UNKL: variants seen among roughly 807,000 people sequenced by gnomAD.
UNKL encodes the protein putative E3 ubiquitin-protein ligase UNKL.
A neutral mutation model predicts 78.0 loss-of-function variants in UNKL; 60 were observed. That is an observed-to-expected ratio of 0.77 (90% CI 0.63 to 0.95). UNKL has a LOEUF of 0.95. UNKL is among the 40% of genes least tolerant of loss of function. The probability of loss-of-function intolerance (pLI) is 0.00; values close to 1 mark genes in which losing one functional copy is unlikely to be tolerated. For synonymous variants in UNKL, 608 were observed against 474.8 expected, an observed-to-expected ratio of 1.28 and a Z score of -3.65; for missense variants, 1,159 against 1,045.7, an observed-to-expected ratio of 1.11 and a Z score of -1.49.
At chr16:1,404,746 C>A (rs1306197999) in intron 2 of UNKL, among the ~76,000 whole-genome samples, 1 of 152,176 alleles carries the variant, frequency 6.6e-6, no homozygotes, top group Non-Finnish European at 1.5e-5. Flanking sequence ...AAGGAAAGCG[C>A]GGGCTTCCAT....
rs1035581569 is a variant in UNKL, at chr16:1,367,211, G to A, written c.1927C>T (p.Leu643=). The change falls in exon 14 of 15, where the codon CTG becomes TTG. Residue 643 remains leucine (L), a synonymous_variant. Coordinates refer to ENST00000389221, the MANE Select transcript of UNKL (RefSeq NM_001372107.1). ...CCCGGCAGTGTGGAGGCTACGCCCA[G>A]GCCCTCCAGCTCCTCCTGCAGCTGC... is the stretch of plus-strand genomic sequence containing the variant. The part of the protein sequence containing the change: ...VKQLQEELEG[L]GVASTLPGLR... 1.2e-6 allele frequency: 2 copies of A among 1,604,640 alleles called. No homozygotes were observed. The highest frequency in any genetic ancestry group is 1.3e-5 in the African/African-American group (1 of 74,794).
Position 1,367,674 on chromosome 16 carries a change from G to T in UNKL, c.1770C>A (p.Ser590=). 6.4e-7 allele frequency: 1 copy of T among 1,573,378 alleles called. No homozygotes were observed. Among genetic ancestry groups the T allele is most frequent in the Non-Finnish European group, 8.6e-7 (1 of 1,161,026 alleles). Residue 590 remains serine (S), a synonymous_variant, in exon 13 of 15, where the codon TCC becomes TCA. Transcript: ENST00000389221. The part of the protein sequence containing the change: ...AKRKIRQWEE[S]WQQVKQVCDA... ...CACTCACCTGCTTCACCTGCTGCCA[G>T]GACTCCTCCCACTGCCGGATCTTCC...
Position 1,370,627 on chromosome 16 carries a change from C to G in UNKL, c.1358-270G>C, listed in dbSNP as rs188768471. 8.0e-4 allele frequency among the ~76,000 whole-genome samples: 122 copies of G among 152,324 alleles called. No individual in the cohort carries two copies. In the South Asian group the frequency reaches 0.014, roughly 18 times the overall value. ...GACGGGGGTTTAACATGGGCCCCCC[C>G]CAAAGAGGCCGGACACCCACCAGGC... On this transcript the variant is annotated intron_variant, in intron 11 of 14. Coordinates refer to ENST00000389221, the MANE Select transcript of UNKL (RefSeq NM_001372107.1).
At chr16:1,401,856 C>G (rs1478275387) in intron 3 of UNKL, among the ~76,000 whole-genome samples, 155 bp from the exon 4 acceptor site, 1 of 152,206 alleles carries the variant, frequency 6.6e-6, no homozygotes, top group African/African-American at 2.4e-5. Flanking sequence ...GCTCCGCTGT[C>G]CTGGCCCGCA....
intron 2 of UNKL, among the ~76,000 whole-genome samples, chr16:1,412,424 A>G (rs2038081249): frequency 6.6e-6 from 1 of 152,220 alleles, no homozygotes; most frequent in South Asian, 2.1e-4. Context: ...CAGCCTCGCC[A>G]ACATGGCGAA....
At chr16:1,372,382 G>A (rs1028382519) in intron 10 of UNKL, among the ~76,000 whole-genome samples, 1 of 152,176 alleles carries the variant, frequency 6.6e-6, no homozygotes, top group African/African-American at 2.4e-5. Flanking sequence ...GCTCAAGACT[G>A]AGTGGGAAGG....
At chr16:1,366,987 G>GGGCAGGGGA (rs1309593126) in intron 14 of UNKL, 105 bp downstream of exon 14, 4 of 1,434,998 alleles carry the variant, frequency 2.8e-6, no homozygotes, top group South Asian at 1.5e-5. Context: ...GCAGACCCTG[G>GGGCAGGGGA]GGCAGGGGAG....
At chr16:1,414,471 G>T in intron 1 of UNKL, 144 bp downstream of exon 1, 1 of 182,128 alleles carries the variant, frequency 5.5e-6, no homozygotes, top group South Asian at 1.6e-4. Flanking sequence ...AGGCCGCCGA[G>T]AGCAGAGGGT....
At chr16:1,375,111 C>T (rs1435877174) in intron 10 of UNKL, among the ~76,000 whole-genome samples, 3 of 152,178 alleles carry the variant, frequency 2.0e-5, no homozygotes, top group Non-Finnish European at 2.9e-5. Flanking sequence ...GCCTGGCGCT[C>T]GGCGGTCACA....
chr16:1,368,003 G>C, intron 12 of UNKL, 145 bp from the exon 13 acceptor site: 1 of 697,348 alleles, frequency 1.4e-6, no homozygotes, highest in Non-Finnish European at 2.4e-6. Context: ...AGCCACGCCT[G>C]CCCCTTGCCC....
intron 10 of UNKL, among the ~76,000 whole-genome samples, chr16:1,381,412 G>C (rs182856291): frequency 6.6e-6 from 1 of 152,304 alleles, no homozygotes; most frequent in East Asian, 1.9e-4. Flanking sequence ...CTGAGGTCAG[G>C]AGTTTGAGAC....
Position 1,410,981 on chromosome 16 carries a change from T to C in UNKL, c.287+2865A>G, listed in dbSNP as rs537657125. 2.6e-5 allele frequency among the ~76,000 whole-genome samples: 4 copies of C among 152,178 alleles called. No individual in the cohort carries two copies. In the East Asian group the frequency reaches 5.8e-4, roughly 22 times the overall value. On this transcript the variant is annotated intron_variant, in intron 2 of 14. Coordinates refer to ENST00000389221, the MANE Select transcript of UNKL (RefSeq NM_001372107.1). ...TGTGGTGGTTTGCACCTATAATCCCTGCACGTTGGAGAGGCCAAGGTGGGA... is the reference window on the plus strand; with the variant it reads ...TGTGGTGGTTTGCACCTATAATCCCCGCACGTTGGAGAGGCCAAGGTGGGA...
At chr16:1,389,904 A>G (rs188257229) in intron 9 of UNKL, among the ~76,000 whole-genome samples, 1 of 152,216 alleles carries the variant, frequency 6.6e-6, no homozygotes, top group Admixed American at 6.5e-5. Flanking sequence ...CCTGGGCTCC[A>G]GCAATTCTCT....
rs947563559 is a variant in UNKL, at chr16:1,403,380, A to G, written c.288-36T>C. 9 of 1,600,626 alleles carry G rather than the reference A, an allele frequency of 5.6e-6. No homozygotes were observed. The highest frequency in any genetic ancestry group is 1.7e-4 in the Middle Eastern group (1 of 5,904). On this transcript the variant is annotated intron_variant, in intron 2 of 14. Coordinates refer to ENST00000389221, the MANE Select transcript of UNKL (RefSeq NM_001372107.1). The surrounding 1 kb of genome is among the most constrained non-coding windows in gnomAD (Gnocchi z 4.8). ...GAGAGGCACGCAATGCCTGGTTATC[A>G]TGGACCCAGAGGCAGCCCTAAGCTC...
chr16:1,388,505 C>A (rs766236332), intron 9 of UNKL, among the ~76,000 whole-genome samples: 1 of 152,184 alleles, frequency 6.6e-6, no homozygotes, highest in Non-Finnish European at 1.5e-5. Context: ...AGTGACCCCC[C>A]AGACCCCATG....
chr16:1,414,669 G>T lies in UNKL; in HGVS notation c.23C>A (p.Ala8Glu). 1 of 1,152,252 alleles carries T rather than the reference G, an allele frequency of 8.7e-7. No homozygotes were observed. Among genetic ancestry groups the T allele is most frequent in the Non-Finnish European group, 1.1e-6 (1 of 924,096 alleles). The allele number at this position is 1,152,252 out of a possible 1,614,324, so 71.4% of individuals were successfully genotyped here. A position where few individuals can be genotyped will look rare whatever the true frequency, so the allele number is the denominator to read the frequency against. MPSVSKA[A>E]AAALSGSPPQ... ...GGGGGACCCGCTCAGCGCCGCTGCC[G>T]CCGCTTTCGAAACCGACGGCATTTT... Residue 8 changes from alanine (A) to glutamate (E), a missense_variant, in exon 1 of 15, where the codon GCG becomes GAG. Ala to Glu is a moderately radical substitution (Grantham distance 107). Coordinates refer to ENST00000389221, the MANE Select transcript of UNKL (RefSeq NM_001372107.1).
intron 9 of UNKL, among the ~76,000 whole-genome samples, chr16:1,388,794 G>A (rs1354433637): frequency 1.3e-5 from 2 of 152,008 alleles, no homozygotes; most frequent in Admixed American, 6.6e-5. Context: ...TTCACACCAT[G>A]AGGACACCGC....
chr16:1,366,982 C>T, intron 14 of UNKL, 110 bp downstream of exon 14: 1 of 1,433,090 alleles, frequency 7.0e-7, no homozygotes, highest in Non-Finnish European at 9.1e-7. Context: ...CCGGAGCAGA[C>T]CCTGGGGCAG....
intron 9 of UNKL, 120 bp downstream of exon 9, chr16:1,390,512 C>A: frequency 1.9e-6 from 2 of 1,063,340 alleles, no homozygotes; most frequent in Non-Finnish European, 2.6e-6. Flanking sequence ...CGAGAGTGGG[C>A]GGGACCAAGG....
Sources: allele counts gnomAD v4.1 joint callset (sites outside exome capture counted in the v4.1 genomes callset), GRCh38; gene constraint gnomAD v4.1.1; non-coding constraint Gnocchi (gnomAD v3.1); transcripts MANE v1.5; gene names NCBI Gene and HGNC (gene_info 2026-07-23, HGNC 2026-07-21).